DLGAP2: variants seen among roughly 807,000 people sequenced by gnomAD.
DLGAP2 encodes the protein DLG associated protein 2.
In DLGAP2, 26 loss-of-function variants were observed where a neutral mutation model predicts 100.3. The observed-to-expected ratio is 0.26, with a 90% CI of 0.19 to 0.36. The LOEUF (loss-of-function observed/expected upper bound fraction) is 0.36, where lower values mean the gene tolerates loss of function less well. DLGAP2 is among the 10% of genes least tolerant of loss of function. The pLI, the probability that DLGAP2 is intolerant of heterozygous loss-of-function variation, is 1.00. For synonymous variants in DLGAP2, 886 were observed against 630.1 expected (o/e 1.41, Z -6.08); for missense variants, 1,858 against 1,453.2 (o/e 1.28, Z -4.53).
chr8:865,040 C>G (rs578257850), intron 1 of DLGAP2, among the ~76,000 whole-genome samples: 11 of 152,194 alleles, frequency 7.2e-5, no homozygotes, highest in Non-Finnish European at 1.5e-4. Flanking sequence ...TGTTTCCATT[C>G]TCAGATTTGG....
intron 1 of DLGAP2, among the ~76,000 whole-genome samples, chr8:903,557 C>T (rs1201188075): frequency 6.6e-6 from 1 of 152,072 alleles, no homozygotes; most frequent in Non-Finnish European, 1.5e-5. Context: ...GACGTCATCG[C>T]GAGGCAGCTT....
intron 5 of DLGAP2, among the ~76,000 whole-genome samples, chr8:1,559,000 C>T (rs1374346784): frequency 1.3e-5 from 2 of 152,200 alleles, no homozygotes; most frequent in Non-Finnish European, 2.9e-5. Flanking sequence ...ATGATATAAT[C>T]CTGGCCCCTT....
chr8:1,331,668 G>A (rs138354138), intron 3 of DLGAP2, among the ~76,000 whole-genome samples: 28 of 152,332 alleles, frequency 1.8e-4, no homozygotes, highest in African/African-American at 6.7e-4. Flanking sequence ...TACGACAAAC[G>A]TGGTAAAAAT....
At chr8:1,682,728 C>T (rs530446631) in intron 12 of DLGAP2, among the ~76,000 whole-genome samples, 29 of 151,460 alleles carry the variant, frequency 1.9e-4, no homozygotes, top group African/African-American at 6.8e-4. Flanking sequence ...CCCCCCTTGC[C>T]CTTGCAAAGT....
chr8:1,077,512 C>T (rs2129038714), intron 2 of DLGAP2, among the ~76,000 whole-genome samples: 1 of 152,260 alleles, frequency 6.6e-6, no homozygotes, highest in Non-Finnish European at 1.5e-5. Context: ...CATCACTGGA[C>T]CCCAATTCCA....
At chr8:1,512,131 A>G (rs1324949337) in intron 4 of DLGAP2, among the ~76,000 whole-genome samples, 8 of 152,206 alleles carry the variant, frequency 5.3e-5, no homozygotes, top group African/African-American at 1.9e-4. Context: ...TCTGGTCCAC[A>G]GTTCAGTGGG....
At chr8:797,017 A>C (rs4077570) in intron 1 of DLGAP2, among the ~76,000 whole-genome samples, 3 of 152,148 alleles carry the variant, frequency 2.0e-5, no homozygotes, top group Non-Finnish European at 4.4e-5. Context: ...TCTTGTACTT[A>C]AAATGTATTT....
chr8:842,106 A>G lies in DLGAP2; in HGVS notation c.19-65806A>G, dbSNP rs1796994060. Among the ~76,000 whole-genome samples the G allele has an allele frequency of 3.9e-5, 6 of 152,192 alleles. No individual in the cohort carries two copies. The South Asian group carries it at 1.0e-3, about 26-fold the overall frequency. ...TCAGAGCAGATCCATTAAATTCTGC[A>G]TTCTTTCCCTTCTGGTAATCACTTA... On this transcript the variant is annotated intron_variant, in intron 1 of 14. Transcript: ENST00000637795.
chr8:1,178,605 C>G (rs1289077676), intron 2 of DLGAP2, among the ~76,000 whole-genome samples: 1 of 152,118 alleles, frequency 6.6e-6, no homozygotes, highest in Non-Finnish European at 1.5e-5. Context: ...GTAAGCTTAG[C>G]TCCTACTTAA....
intron 4 of DLGAP2, among the ~76,000 whole-genome samples, chr8:1,536,977 C>T (rs754553497): frequency 6.6e-6 from 1 of 152,054 alleles, no homozygotes; most frequent in Non-Finnish European, 1.5e-5. Context: ...TTAATGCTCA[C>T]CACGACCCTC....
At chr8:1,108,330 T>C (rs1445307684) in intron 2 of DLGAP2, among the ~76,000 whole-genome samples, 4 of 152,188 alleles carry the variant, frequency 2.6e-5, no homozygotes, top group African/African-American at 9.7e-5. Flanking sequence ...AGTTAACCAC[T>C]TTCAGCATTA....
At chr8:874,789 T>G (rs1470430901) in intron 1 of DLGAP2, among the ~76,000 whole-genome samples, 1 of 152,204 alleles carries the variant, frequency 6.6e-6, no homozygotes, top group Non-Finnish European at 1.5e-5. Flanking sequence ...CTAGTTGATC[T>G]ATCCATCATT....
chr8:1,272,915 A>C (rs985408327), intron 3 of DLGAP2, among the ~76,000 whole-genome samples: 1 of 152,150 alleles, frequency 6.6e-6, no homozygotes, highest in African/African-American at 2.4e-5. Context: ...ATTCATGACC[A>C]CGTAAAAGGT....
At chr8:1,281,988 C>T (rs1799823311) in intron 3 of DLGAP2, among the ~76,000 whole-genome samples, 1 of 7,450 alleles carries the variant, frequency 1.3e-4, no homozygotes, top group Non-Finnish European at 2.5e-4. Flanking sequence ...CTGAACCCAG[C>T]GCGCCCTGAA....
At chr8:1,674,769 C>T (rs1259991947) in intron 10 of DLGAP2, among the ~76,000 whole-genome samples, 1 of 152,148 alleles carries the variant, frequency 6.6e-6, no homozygotes. Flanking sequence ...TGGCAGAAAA[C>T]TAGAAATAAC....
intron 3 of DLGAP2, among the ~76,000 whole-genome samples, chr8:1,364,079 C>CAG (rs1249007056): frequency 6.6e-6 from 1 of 152,214 alleles, no homozygotes; most frequent in African/African-American, 2.4e-5. Flanking sequence ...CCTTCAGGTG[C>CAG]AGACCCCACC....
At chr8:812,139 G>T (rs1409537179) in intron 1 of DLGAP2, among the ~76,000 whole-genome samples, 11 of 152,200 alleles carry the variant, frequency 7.2e-5, no homozygotes, top group Non-Finnish European at 1.5e-4. Flanking sequence ...CGAGGAAGTG[G>T]CTTGCACAAT....
At chr8:1,198,108 ACGTGTGTG>A (rs200515212) in intron 2 of DLGAP2, among the ~76,000 whole-genome samples, 2,376 of 151,558 alleles carry the variant, frequency 0.016, 73 homozygotes, top group African/African-American at 0.054. Flanking sequence ...GTGTGTGTGT[ACGTGTGTG>A]CGTGTGTGCG....
At chr8:1,169,691 G>C (rs1298903496) in intron 2 of DLGAP2, among the ~76,000 whole-genome samples, 2 of 151,870 alleles carry the variant, frequency 1.3e-5, no homozygotes, top group Admixed American at 6.6e-5. Flanking sequence ...TTTGTCTGTT[G>C]TTGGTGTATA....
Sources: gnomAD v4.1 joint callset for allele counts (sites outside exome capture counted in the v4.1 genomes callset) on GRCh38, gnomAD v4.1.1 for gene constraint, MANE v1.5 for transcripts, NCBI Gene and HGNC (gene_info 2026-07-23, HGNC 2026-07-21) for gene names.